The following TACC2 variants were observed in gnomAD, a reference collection of about 807,000 sequenced individuals.
TACC2 encodes the protein transforming acidic coiled-coil-containing protein 2.
In TACC2, 137 loss-of-function variants were observed where a neutral mutation model predicts 227.3. The observed-to-expected ratio is 0.60, with a 90% CI of 0.52 to 0.69. The LOEUF is 0.69. TACC2 is among the 30% of genes least tolerant of loss of function. The probability of loss-of-function intolerance (pLI) is 0.00; values close to 1 mark genes in which losing one functional copy is unlikely to be tolerated. For missense variants in TACC2, 3,470 were observed against 3,694.4 expected, an observed-to-expected ratio of 0.94 and a Z score of 1.57; for synonymous variants, 1,523 against 1,487.5, an observed-to-expected ratio of 1.02 and a Z score of -0.55.
At chr10:122,006,542 G>A (rs1955180185) in intron 1 of TACC2, among the ~76,000 whole-genome samples, 1 of 152,126 alleles carries the variant, frequency 6.6e-6, no homozygotes, top group South Asian at 2.1e-4. Context: ...CTTGTCTGGA[G>A]GGCTTTTATC....
chr10:122,239,176 G>C (rs1027632291), intron 18 of TACC2, among the ~76,000 whole-genome samples: 1 of 151,690 alleles, frequency 6.6e-6, no homozygotes, highest in East Asian at 1.9e-4. Context: ...GCTAATTTTT[G>C]TTTTGTATTT....
At chr10:122,068,480 C>G (rs1174765047) in intron 3 of TACC2, among the ~76,000 whole-genome samples, 1 of 152,126 alleles carries the variant, frequency 6.6e-6, no homozygotes, top group African/African-American at 2.4e-5. Context: ...CAACTTAATC[C>G]TCTGCATCTC....
chr10:122,186,396 A>G (rs2094193475), intron 7 of TACC2, among the ~76,000 whole-genome samples: 1 of 152,136 alleles, frequency 6.6e-6, no homozygotes, highest in African/African-American at 2.4e-5. Context: ...CGGGAGGCTG[A>G]GGCAGGAGGA....
chr10:122,084,027 C>T lies in TACC2; in HGVS notation c.1527C>T (p.Val509=), dbSNP rs1421904841. The change falls in exon 4 of 23, where the codon GTC becomes GTT. Residue 509 remains valine (V), a synonymous_variant. Coordinates refer to ENST00000369005, the MANE Select transcript of TACC2 (RefSeq NM_206862.4). ...TGAACACGGAGCAAAGCCATGAGGTCCAACCAGGAGTACCACCCCCTCCTC... is the reference window on the plus strand; with the variant it reads ...TGAACACGGAGCAAAGCCATGAGGTTCAACCAGGAGTACCACCCCCTCCTC... ...EHLNTEQSHE[V]QPGVPPPPLP... is the part of the protein sequence containing the mutation. 6.2e-7 allele frequency: 1 copy of T among 1,613,924 alleles called. No individual in the cohort carries two copies. The highest frequency in any genetic ancestry group is 1.7e-5 in the Admixed American group (1 of 59,992).
chr10:122,062,961 GGTT>G (rs2076998886), intron 3 of TACC2, among the ~76,000 whole-genome samples: 1 of 152,104 alleles, frequency 6.6e-6, no homozygotes, highest in Non-Finnish European at 1.5e-5. Context: ...GGCTCAGAGA[GGTT>G]AAGGAACTTG....
intron 1 of TACC2, among the ~76,000 whole-genome samples, chr10:122,003,743 C>A (rs1329922304): frequency 2.0e-5 from 3 of 152,008 alleles, no homozygotes; most frequent in African/African-American, 7.2e-5. Context: ...GCGAGCTCTG[C>A]CTCCCGGGTT....
rs74158810 is a variant in TACC2, at chr10:122,191,462, A to C, written c.5835-3578A>C. Among the ~76,000 whole-genome samples, 908 of 152,258 alleles carry C rather than the reference A, an allele frequency of 6.0e-3. 3 individuals carry two copies. The highest frequency in any genetic ancestry group is 0.021 in the African/African-American group (872 of 41,546). On this transcript the variant is annotated intron_variant, in intron 7 of 22. Transcript: ENST00000369005. Reference sequence around the variant, plus strand: ...CCTGGGCCACATTGGAACAAGAAGAATTGTCTTGGGCCACACATAAAATAC... The same window carrying C: ...CCTGGGCCACATTGGAACAAGAAGACTTGTCTTGGGCCACACATAAAATAC...
chr10:122,158,615 G>T (rs1187619489), intron 7 of TACC2, among the ~76,000 whole-genome samples: 1 of 152,104 alleles, frequency 6.6e-6, no homozygotes, highest in Non-Finnish European at 1.5e-5. Context: ...AAGGTTCCAG[G>T]TGTAAATATG....
intron 5 of TACC2, among the ~76,000 whole-genome samples, chr10:122,102,638 A>G (rs571015087): frequency 6.6e-6 from 1 of 152,208 alleles, no homozygotes; most frequent in Non-Finnish European, 1.5e-5. Context: ...GACTAGGCCA[A>G]GTTCAAGTGC....
chr10:122,048,380 T>G (rs1319139872), intron 2 of TACC2, among the ~76,000 whole-genome samples: 1 of 151,270 alleles, frequency 6.6e-6, no homozygotes. Flanking sequence ...CCTTATTTTT[T>G]TTTTCTCCTC....
At chr10:122,008,264 A>ATTTT (rs71022877) in intron 1 of TACC2, among the ~76,000 whole-genome samples, 1 of 134,658 alleles carries the variant, frequency 7.4e-6, no homozygotes, top group Non-Finnish European at 1.6e-5. Context: ...TATTATTATT[A>ATTTT]TTTTTTTTTT....
At chr10:122,182,796 A>G (rs2094014393) in intron 7 of TACC2, among the ~76,000 whole-genome samples, 1 of 152,188 alleles carries the variant, frequency 6.6e-6, no homozygotes, top group Non-Finnish European at 1.5e-5. Context: ...GGCGTGGAGA[A>G]AGAAAGGTAG....
chr10:122,060,125 G>A (rs1421226343), intron 3 of TACC2, among the ~76,000 whole-genome samples: 2 of 152,224 alleles, frequency 1.3e-5, no homozygotes, highest in Admixed American at 6.5e-5. Context: ...TAAGGAGGAA[G>A]AATTCCCTGC....
chr10:122,188,784 C>A (rs1405236041), intron 7 of TACC2, among the ~76,000 whole-genome samples: 3 of 152,202 alleles, frequency 2.0e-5, no homozygotes, highest in Admixed American at 6.5e-5. Context: ...ACAACATAGC[C>A]ACGAAGTGAT....
Position 122,086,533 on chromosome 10 carries a change from G to A in TACC2, c.4033G>A (p.Glu1345Lys). ...LAKGKQATGE[E>K]KAATAPGAGA... Reference sequence around the variant, plus strand: ...CAAGGGCAAGCAGGCAACAGGGGAAGAGAAAGCAGCAACAGCTCCAGGTGC... The same window carrying A: ...CAAGGGCAAGCAGGCAACAGGGGAAAAGAAAGCAGCAACAGCTCCAGGTGC... The change falls in exon 4 of 23, where the codon GAG becomes AAG. Residue 1345 changes from glutamate to lysine, a missense_variant. Glu to Lys is a moderately conservative substitution (Grantham distance 56, BLOSUM62 1). This residue lies in a region of TACC2 where 1,924 missense variants were observed against 1,978.3 expected (regional missense o/e 0.97). Coordinates refer to ENST00000369005, the MANE Select transcript of TACC2 (RefSeq NM_206862.4). 1 of 1,610,570 alleles carries A rather than the reference G, an allele frequency of 6.2e-7. No homozygotes were observed. The highest frequency in any genetic ancestry group is 8.5e-7 in the Non-Finnish European group (1 of 1,178,128).
chr10:122,052,895 G>T (rs1050516253), intron 3 of TACC2, among the ~76,000 whole-genome samples: 11 of 152,232 alleles, frequency 7.2e-5, no homozygotes, highest in Non-Finnish European at 1.3e-4. Context: ...ACGGAGCAGG[G>T]CTCCTGTGTG....
At chr10:122,014,973 T>G (rs980954786) in intron 1 of TACC2, among the ~76,000 whole-genome samples, 31 of 152,174 alleles carry the variant, frequency 2.0e-4, no homozygotes, top group African/African-American at 7.5e-4. Context: ...TTTGAATTCT[T>G]TGCAAAAATC....
Position 122,087,572 on chromosome 10 carries a change from C to T in TACC2, c.5072C>T (p.Thr1691Ile). 6.2e-7 allele frequency: 1 copy of T among 1,613,748 alleles called. No homozygotes were observed. The highest frequency in any genetic ancestry group is 1.3e-5 in the African/African-American group (1 of 75,070). Residue 1691 changes from threonine (T) to isoleucine (I), a missense_variant, in exon 4 of 23, where the codon ACT becomes ATT. This residue lies in a region of TACC2 where 1,924 missense variants were observed against 1,978.3 expected (regional missense o/e 0.97). Coordinates refer to ENST00000369005, the MANE Select transcript of TACC2 (RefSeq NM_206862.4). ...PAPPTGEVAD[T>I]PLEPGKVAGA... ...CCACCAACTGGAGAAGTGGCAGACA[C>T]TCCCCTGGAGCCTGGCAAGGTGGCA...
intron 5 of TACC2, among the ~76,000 whole-genome samples, chr10:122,115,619 G>A (rs565254661): frequency 4.6e-5 from 7 of 152,314 alleles, no homozygotes; most frequent in Non-Finnish European, 8.8e-5. Context: ...ATGAGAGACA[G>A]TTCTAATTGG....
Sources: gnomAD v4.1 joint callset for allele counts (sites outside exome capture counted in the v4.1 genomes callset) on GRCh38, gnomAD v4.1.1 for gene constraint, gnomAD v4.1.1 regional missense constraint, MANE v1.5 for transcripts, NCBI Gene and HGNC (gene_info 2026-07-23, HGNC 2026-07-21) for gene names.